The following CSE1L variants were observed in gnomAD, a reference collection of about 807,000 sequenced individuals.
CSE1L encodes the protein chromosome segregation 1 like.
Under a neutral mutation model 120.4 loss-of-function variants are expected in CSE1L, and 24 were observed. That is an observed-to-expected ratio of 0.20 (90% CI 0.14 to 0.28). CSE1L has a LOEUF of 0.28. Ranked by LOEUF, CSE1L falls within the 10% of genes least tolerant of loss-of-function variation. The probability of loss-of-function intolerance (pLI) is 1.00; values close to 1 mark genes in which losing one functional copy is unlikely to be tolerated. For missense variants in CSE1L, 830 were observed against 1,145.2 expected (o/e 0.72, Z 3.97); for synonymous variants, 402 against 398.3 (o/e 1.01, Z -0.11).
chr20:49,067,049 A>AAG, intron 5 of CSE1L, 141 bp from the exon 6 acceptor site: 1 of 441,306 alleles, frequency 2.3e-6, no homozygotes, highest in Non-Finnish European at 4.0e-6. Context: ...AAAAAAAAAA[A>AAG]AAAAAAAGAA....
intron 24 of CSE1L, among the ~76,000 whole-genome samples, chr20:49,095,613 A>AT (rs751397963): frequency 4.0e-5 from 6 of 151,140 alleles, no homozygotes; most frequent in African/African-American, 7.3e-5. Context: ...GGACACAGTT[A>AT]TTTTTTTTTA....
chr20:49,068,603 A>G, intron 6 of CSE1L, 112 bp from the exon 7 acceptor site: 1 of 746,612 alleles, frequency 1.3e-6, no homozygotes, highest in Non-Finnish European at 2.3e-6. Flanking sequence ...CGTCTCAAAA[A>G]AATAAATAAG....
At chr20:49,078,767 A>G (rs1165353072) in intron 14 of CSE1L, 145 bp downstream of exon 14, 1 of 531,580 alleles carries the variant, frequency 1.9e-6, no homozygotes, top group Non-Finnish European at 3.1e-6. Flanking sequence ...ATTTTAGACC[A>G]TGCTTAATTT....
chr20:49,056,846 GCTGT>G (rs1490369272), intron 1 of CSE1L, among the ~76,000 whole-genome samples: 1 of 118,020 alleles, frequency 8.5e-6, no homozygotes, highest in Non-Finnish European at 1.7e-5. Context: ...TACTTCACAT[GCTGT>G]GTGTGTGTGT....
chr20:49,089,334 G>A lies in CSE1L; in HGVS notation c.1909G>A (p.Val637Ile), dbSNP rs1385605700. The change falls in exon 18 of 25, where the codon GTT (valine) becomes ATT (isoleucine). Residue 637 changes from valine (V) to isoleucine (I), a missense_variant. By Grantham distance (29) the Val-to-Ile change is conservative. Transcript: ENST00000262982. ...RITCKANPAA[V>I]VNFEEALFLV... Reference sequence around the variant, plus strand: ...AACTTGCAAAGCTAACCCTGCTGCTGTTGTAAATTTTGAGGAGGCTTTGTT... The same window carrying A: ...AACTTGCAAAGCTAACCCTGCTGCTATTGTAAATTTTGAGGAGGCTTTGTT... 3.1e-6 allele frequency: 5 copies of A among 1,613,414 alleles called. No individual in the cohort carries two copies. Among genetic ancestry groups the A allele is most frequent in the Admixed American group, 1.7e-5 (1 of 59,912 alleles).
intron 1 of CSE1L, among the ~76,000 whole-genome samples, chr20:49,049,218 T>C (rs984747269): frequency 6.6e-6 from 1 of 152,268 alleles, no homozygotes; most frequent in Non-Finnish European, 1.5e-5. Context: ...TGAATTCTTA[T>C]CTTCTCCCTC....
chr20:49,081,823 G>C (rs2092014708), intron 14 of CSE1L, among the ~76,000 whole-genome samples: 1 of 152,036 alleles, frequency 6.6e-6, no homozygotes, highest in South Asian at 2.1e-4. Flanking sequence ...GTGCCATCTT[G>C]CAAAATATTT....
At chr20:49,066,616 T>C in intron 5 of CSE1L, 106 bp downstream of exon 5, 1 of 1,024,636 alleles carries the variant, frequency 9.8e-7, no homozygotes, top group Non-Finnish European at 1.4e-6. Flanking sequence ...AATCTGATCA[T>C]CTTGGAATGA....
chr20:49,092,570 CAT>C (rs1017337986), intron 22 of CSE1L, among the ~76,000 whole-genome samples: 9 of 151,664 alleles, frequency 5.9e-5, no homozygotes, highest in Non-Finnish European at 1.5e-5. Context: ...GAAAACACCA[CAT>C]GTTCTCACTC....
chr20:49,085,420 A>G (rs1482132051), intron 16 of CSE1L, 34 bp downstream of exon 16: 1 of 1,486,796 alleles, frequency 6.7e-7, no homozygotes, highest in African/African-American at 1.4e-5. Context: ...GACTACAGGT[A>G]TCCAATCTCA....
At chr20:49,071,079 A>G (rs1383675566) in intron 8 of CSE1L, among the ~76,000 whole-genome samples, 1 of 152,200 alleles carries the variant, frequency 6.6e-6, no homozygotes, top group Non-Finnish European at 1.5e-5. Context: ...TCATTTGTTA[A>G]TATATTTATG....
In CSE1L at chr20:49,072,387, G is replaced by T. The variant is rs1411840037; in HGVS notation, c.870G>T (p.Leu290=). The change falls in exon 9 of 25, where the codon CTG becomes CTT. Residue 290 remains leucine, a synonymous_variant. Transcript: ENST00000262982. ...QKYDEEFQRY[L]PRFVTAIWNL... is the part of the protein sequence containing the mutation. The stretch of plus-strand genomic sequence containing the variant: ...ACGATGAAGAATTCCAGCGATACCT[G>T]CCTCGTTTTGTTACAGCCATCTGGA... 2 of 1,614,070 alleles carry T rather than the reference G, an allele frequency of 1.2e-6. No homozygotes were observed. Among genetic ancestry groups the T allele is most frequent in the Admixed American group, 1.7e-5 (1 of 59,988 alleles).
At chr20:49,054,987 G>A (rs934909263) in intron 1 of CSE1L, among the ~76,000 whole-genome samples, 2 of 152,184 alleles carry the variant, frequency 1.3e-5, no homozygotes, top group African/African-American at 4.8e-5. Context: ...ATAACCCCGT[G>A]ACTCCCTTCT....
intron 15 of CSE1L, among the ~76,000 whole-genome samples, chr20:49,084,831 T>C (rs1222075529): frequency 1.3e-5 from 2 of 152,134 alleles, no homozygotes; most frequent in Non-Finnish European, 2.9e-5. Context: ...GAACTTGAAG[T>C]ACAGATACTC....
intron 22 of CSE1L, 44 bp downstream of exon 22, chr20:49,092,171 A>G: frequency 8.5e-7 from 1 of 1,172,018 alleles, no homozygotes. Flanking sequence ...AAATGTTTTG[A>G]CTTTTTTTTT....
rs1246039931 is a variant in CSE1L, at chr20:49,089,210, T to G, written c.1822-37T>G. The G allele has an allele frequency of 2.7e-6, 4 of 1,504,840 alleles. No individual in the cohort carries two copies. The African/African-American group carries it at 5.9e-5, about 22-fold the overall frequency. 93.2% of individuals were successfully genotyped at this position (1,504,840 alleles called of 1,614,324 possible). On this transcript the variant is annotated intron_variant, in intron 17 of 24. Transcript: ENST00000262982. ...GTGTTTTATAAAGGTTAGGTGTGGA[T>G]TATTAGCATAATTAGGTTTTTTTTT...
chr20:49,049,091 A>G (rs1600579569), intron 1 of CSE1L, among the ~76,000 whole-genome samples: 1 of 152,368 alleles, frequency 6.6e-6, no homozygotes. Flanking sequence ...GATGTCTGCC[A>G]TAACTGATTT....
At chr20:49,071,199 A>G (rs2091928962) in intron 8 of CSE1L, among the ~76,000 whole-genome samples, 2 of 152,228 alleles carry the variant, frequency 1.3e-5, no homozygotes, top group Admixed American at 1.3e-4. Context: ...GGGGTACAGA[A>G]AGAAATTGTT....
chr20:49,072,184 GATTTA>G (rs2091937410), intron 8 of CSE1L, 97 bp from the exon 9 acceptor site: 1 of 1,232,380 alleles, frequency 8.1e-7, no homozygotes, highest in South Asian at 1.5e-5. Flanking sequence ...ATTTGATTTG[GATTTA>G]ATTGATAAAG....
Sources: gnomAD v4.1 joint callset for allele counts (sites outside exome capture counted in the v4.1 genomes callset) on GRCh38, gnomAD v4.1.1 for gene constraint, MANE v1.5 for transcripts, NCBI Gene and HGNC (gene_info 2026-07-23, HGNC 2026-07-21) for gene names.